KANK1: variants seen among roughly 807,000 people sequenced by gnomAD.
KANK1 encodes the protein KN motif and ankyrin repeat domain-containing protein 1.
KANK1 carries 109 observed loss-of-function variants against 106.2 expected under a neutral mutation model. That is an observed-to-expected ratio of 1.03 (90% CI 0.88 to 1.20). KANK1 has a LOEUF of 1.20. Among genes scored for constraint, KANK1 ranks in the 50% most tolerant of loss-of-function variants. The pLI is 0.00. For synonymous variants in KANK1, 873 were observed against 652.2 expected, an observed-to-expected ratio of 1.34 and a Z score of -5.16; for missense variants, 2,399 against 1,710.7, an observed-to-expected ratio of 1.40 and a Z score of -7.10.
Position 558,399 on chromosome 9 carries a change from T to G in KANK1, c.-84+53645T>G, listed in dbSNP as rs558690680. Reference sequence around the variant, plus strand: ...GGGGAACAATACAGAGTTAGATTCCTGTGAGCCTCTGGTTATAACGATTTT... The same window carrying G: ...GGGGAACAATACAGAGTTAGATTCCGGTGAGCCTCTGGTTATAACGATTTT... On this transcript the variant is annotated intron_variant, in intron 1 of 11. Coordinates refer to ENST00000382297, the MANE Select transcript of KANK1 (RefSeq NM_015158.5). Among the ~76,000 whole-genome samples, 5 of 152,374 alleles carry G rather than the reference T, an allele frequency of 3.3e-5. No homozygotes were observed. In the East Asian group the frequency reaches 9.6e-4, roughly 29 times the overall value.
chr9:602,961 G>T (rs949162272), intron 1 of KANK1, among the ~76,000 whole-genome samples: 4 of 151,802 alleles, frequency 2.6e-5, no homozygotes, highest in Non-Finnish European at 4.4e-5. Context: ...GGCTGATGGG[G>T]TTATCATAGT....
intron 8 of KANK1, among the ~76,000 whole-genome samples, chr9:739,196 T>C (rs1834655334): frequency 6.6e-6 from 1 of 152,220 alleles, no homozygotes; most frequent in Non-Finnish European, 1.5e-5. Flanking sequence ...AGCTTTCAAC[T>C]TCTTGTTCAA....
At chr9:580,756 C>T (rs550917893) in intron 1 of KANK1, among the ~76,000 whole-genome samples, 6 of 152,378 alleles carry the variant, frequency 3.9e-5, no homozygotes, top group South Asian at 2.1e-4. Context: ...CTGCCAGTCC[C>T]GCGCTGTGCG....
intron 3 of KANK1, 76 bp from the exon 4 acceptor site, chr9:729,975 G>A (rs1831759222): frequency 7.9e-7 from 1 of 1,264,326 alleles, no homozygotes; most frequent in African/African-American, 1.5e-5. Flanking sequence ...ATTATGAGTG[G>A]CAAGAATTGT....
At chr9:500,237 C>T (rs951941976), upstream of KANK1, among the ~76,000 whole-genome samples, 1 of 152,158 alleles carries the variant, frequency 6.6e-6, no homozygotes, top group Admixed American at 6.5e-5. Context: ...GTAACCTACA[C>T]GTGTCAAACA....
intron 1 of KANK1, among the ~76,000 whole-genome samples, chr9:526,833 A>G (rs2059814520): frequency 6.6e-6 from 1 of 151,654 alleles, no homozygotes; most frequent in Admixed American, 6.6e-5. Context: ...GATTTTTTTA[A>G]ATTCAATTTT....
At chr9:613,054 C>T (rs1830946352) in intron 1 of KANK1, among the ~76,000 whole-genome samples, 2 of 151,680 alleles carry the variant, frequency 1.3e-5, no homozygotes, top group African/African-American at 2.4e-5. Flanking sequence ...GATATTGGGA[C>T]AGAAGGAAGA....
At chr9:723,511 G>C (rs934817763) in intron 3 of KANK1, among the ~76,000 whole-genome samples, 1 of 152,060 alleles carries the variant, frequency 6.6e-6, no homozygotes, top group African/African-American at 2.4e-5. Context: ...CTGTGTCCTA[G>C]CTACTCCAAA....
At chr9:586,015 G>A (rs1441250701) in intron 1 of KANK1, among the ~76,000 whole-genome samples, 3 of 152,226 alleles carry the variant, frequency 2.0e-5, no homozygotes, top group Non-Finnish European at 2.9e-5. Context: ...TTCAAAGTTT[G>A]TGGGATTCTG....
chr9:704,440 C>A (rs1349056140), intron 2 of KANK1, among the ~76,000 whole-genome samples: 1 of 152,138 alleles, frequency 6.6e-6, no homozygotes, highest in Middle Eastern at 3.2e-3. Flanking sequence ...CAAAGAAGAA[C>A]ATAGGTGAAA....
intron 1 of KANK1, among the ~76,000 whole-genome samples, chr9:647,164 T>G (rs1839856714): frequency 6.6e-6 from 1 of 151,218 alleles, no homozygotes. Context: ...AAATTTGCCA[T>G]GGATTTAAGC....
At chr9:532,997 G>T (rs1429091707) in intron 1 of KANK1, among the ~76,000 whole-genome samples, 1 of 152,144 alleles carries the variant, frequency 6.6e-6, no homozygotes, top group Non-Finnish European at 1.5e-5. Flanking sequence ...CATGTTGCTG[G>T]TCGGAACAGT....
chr9:473,509 G>C (rs2058054219), intron 3 of KANK1, among the ~76,000 whole-genome samples: 1 of 152,138 alleles, frequency 6.6e-6, no homozygotes, highest in South Asian at 2.1e-4. Context: ...AATCCCTAGA[G>C]GGTCACCTAG....
chr9:536,660 A>G (rs565022979), intron 1 of KANK1, among the ~76,000 whole-genome samples: 2 of 151,602 alleles, frequency 1.3e-5, no homozygotes, highest in Admixed American at 6.5e-5. Flanking sequence ...AAAAAGACTC[A>G]TTAGATTGGG....
intron 10 of KANK1, among the ~76,000 whole-genome samples, 186 bp downstream of exon 10, chr9:742,591 A>G (rs1247395426): frequency 6.6e-6 from 1 of 152,170 alleles, no homozygotes; most frequent in Non-Finnish European, 1.5e-5. Context: ...GCAAACTAAC[A>G]CGCTCATAAA....
intron 1 of KANK1, among the ~76,000 whole-genome samples, chr9:626,598 GAATA>G (rs1834404408): frequency 6.6e-6 from 1 of 152,188 alleles, no homozygotes; most frequent in Non-Finnish European, 1.5e-5. Flanking sequence ...CTTATTTAGT[GAATA>G]AATAAATACT....
intron 1 of KANK1, among the ~76,000 whole-genome samples, chr9:592,534 T>C (rs1825219748): frequency 6.6e-6 from 1 of 151,824 alleles, no homozygotes; most frequent in South Asian, 2.1e-4. Flanking sequence ...CGTTTTTTCA[T>C]CCATCGCTCA....
At chr9:677,036 G>A in intron 2 of KANK1, 27 bp downstream of exon 2, 2 of 1,604,504 alleles carry the variant, frequency 1.2e-6, no homozygotes, top group Non-Finnish European at 1.7e-6. Context: ...GAGTTTGTGT[G>A]TTAAATGTAT....
chr9:556,091 T>A (rs1563763077), intron 1 of KANK1, among the ~76,000 whole-genome samples: 1 of 152,188 alleles, frequency 6.6e-6, no homozygotes, highest in Non-Finnish European at 1.5e-5. Context: ...ACAGTCTGTT[T>A]TGGCTCTACC....
Sources: allele counts gnomAD v4.1 joint callset (sites outside exome capture counted in the v4.1 genomes callset), GRCh38; gene constraint gnomAD v4.1.1; transcripts MANE v1.5; gene names NCBI Gene and HGNC (gene_info 2026-07-23, HGNC 2026-07-21).